EXT2: variants seen among roughly 807,000 people sequenced by gnomAD.
EXT2 encodes the protein exostosin-2.
A neutral mutation model predicts 81.6 loss-of-function variants in EXT2; 53 were observed. The observed-to-expected ratio is 0.65, with a 90% CI of 0.52 to 0.82. EXT2 has a LOEUF of 0.82. Ranked by LOEUF, EXT2 falls within the 40% of genes least tolerant of loss-of-function variation. EXT2 has a pLI of 0.00. For missense variants in EXT2, 774 were observed against 910.2 expected (o/e 0.85, Z 1.93); for synonymous variants, 320 against 340.0 (o/e 0.94, Z 0.65).
chr11:44,100,364 G>A (rs1953964091), intron 1 of EXT2, among the ~76,000 whole-genome samples: 1 of 152,196 alleles, frequency 6.6e-6, no homozygotes, highest in Admixed American at 6.5e-5. Context: ...GGACCTCTTT[G>A]CTAGTATTAA....
At chr11:44,153,748 T>G (rs979709844) in intron 7 of EXT2, among the ~76,000 whole-genome samples, 6 of 152,120 alleles carry the variant, frequency 3.9e-5, no homozygotes, top group Non-Finnish European at 5.9e-5. Flanking sequence ...TCAAAGGCTT[T>G]TTCTGTATCT....
At chr11:44,133,293 TA>T (rs1296343153) in intron 7 of EXT2, among the ~76,000 whole-genome samples, 3 of 152,204 alleles carry the variant, frequency 2.0e-5, no homozygotes, top group Non-Finnish European at 2.9e-5. Flanking sequence ...AAAAAAATGG[TA>T]AAACACCTGA....
At chr11:44,230,670 A>G (rs921805221) in intron 10 of EXT2, among the ~76,000 whole-genome samples, 4 of 152,330 alleles carry the variant, frequency 2.6e-5, no homozygotes, top group East Asian at 3.9e-4. Flanking sequence ...ATTGACAGCC[A>G]GCTACCAGAA....
At chr11:44,120,397 C>T (rs1954298654) in intron 4 of EXT2, among the ~76,000 whole-genome samples, 1 of 152,260 alleles carries the variant, frequency 6.6e-6, no homozygotes, top group South Asian at 2.1e-4. Context: ...ATTTCTGCAA[C>T]CTGGCTTGGG....
At chr11:44,183,518 T>C (rs1404585591) in intron 8 of EXT2, among the ~76,000 whole-genome samples, 2 of 152,210 alleles carry the variant, frequency 1.3e-5, no homozygotes, top group Non-Finnish European at 2.9e-5. Context: ...CTTTGAATAT[T>C]ACATATCTGC....
At chr11:44,169,525 CAAAG>C (rs974457226) in intron 7 of EXT2, among the ~76,000 whole-genome samples, 1 of 151,804 alleles carries the variant, frequency 6.6e-6, no homozygotes, top group African/African-American at 2.4e-5. Context: ...ACTAAAGTAA[CAAAG>C]AAGAGATAAA....
intron 1 of EXT2, among the ~76,000 whole-genome samples, chr11:44,097,954 T>C (rs905862146): frequency 6.6e-6 from 1 of 152,116 alleles, no homozygotes. Context: ...ATCCTCACAA[T>C]AGGTTGGGGT....
chr11:44,207,328 G>A (rs1356701542), intron 10 of EXT2, among the ~76,000 whole-genome samples: 1 of 152,254 alleles, frequency 6.6e-6, no homozygotes. Flanking sequence ...AATAAGTGAA[G>A]AAGCTGGCGA....
intron 3 of EXT2, 43 bp from the exon 4 acceptor site, chr11:44,114,142 A>T (rs1427392101): frequency 2.0e-6 from 3 of 1,504,666 alleles, no homozygotes; most frequent in African/African-American, 2.7e-5. Context: ...ATCAGAATAA[A>T]GTCCTTTCTT....
intron 10 of EXT2, among the ~76,000 whole-genome samples, chr11:44,229,969 CAAG>C (rs1955880007): frequency 6.6e-6 from 1 of 152,130 alleles, no homozygotes; most frequent in South Asian, 2.1e-4. Flanking sequence ...TTAAATTCTG[CAAG>C]AGGAAAATAC....
chr11:44,161,187 A>G (rs147287968), intron 7 of EXT2, among the ~76,000 whole-genome samples: 38 of 152,344 alleles, frequency 2.5e-4, no homozygotes, highest in African/African-American at 8.9e-4. Context: ...ATATGTTAGC[A>G]GGCTTCAACT....
At chr11:44,151,123 A>G (rs1388060620) in intron 7 of EXT2, among the ~76,000 whole-genome samples, 3 of 152,218 alleles carry the variant, frequency 2.0e-5, no homozygotes, top group Admixed American at 2.0e-4. Context: ...AATTGAGCAG[A>G]AACTACAAAG....
intron 7 of EXT2, among the ~76,000 whole-genome samples, chr11:44,171,076 T>A (rs1194682593): frequency 2.0e-5 from 3 of 152,098 alleles, no homozygotes; most frequent in African/African-American, 7.2e-5. Flanking sequence ...CACAGAAGAG[T>A]AAATACTGTT....
intron 8 of EXT2, among the ~76,000 whole-genome samples, chr11:44,187,239 A>G (rs1269969379): frequency 6.6e-6 from 1 of 152,064 alleles, no homozygotes; most frequent in East Asian, 1.9e-4. Context: ...GTGCAATGGC[A>G]TGATCACAGC....
At chr11:44,157,444 A>C (rs987369162) in intron 7 of EXT2, among the ~76,000 whole-genome samples, 2 of 152,204 alleles carry the variant, frequency 1.3e-5, no homozygotes, top group African/African-American at 4.8e-5. Flanking sequence ...CCAAGCTGCA[A>C]GTCCTTCCCA....
intron 9 of EXT2, among the ~76,000 whole-genome samples, chr11:44,198,783 A>T (rs890481115): frequency 1.3e-5 from 2 of 152,224 alleles, no homozygotes; most frequent in Non-Finnish European, 2.9e-5. Context: ...ACTGTCACCG[A>T]TAAGGTCTAG....
At chr11:44,237,359 A>T (rs894167215) in intron 13 of EXT2, among the ~76,000 whole-genome samples, 5 of 152,086 alleles carry the variant, frequency 3.3e-5, no homozygotes, top group African/African-American at 9.7e-5. Flanking sequence ...TATCTTTTTC[A>T]TGTATAAACA....
chr11:44,097,364 A>G (rs1953913324), intron 1 of EXT2, among the ~76,000 whole-genome samples: 2 of 152,230 alleles, frequency 1.3e-5, no homozygotes, highest in African/African-American at 2.4e-5. Context: ...AAAGAATCCT[A>G]TCAAGTAAGG....
At chr11:44,144,949 G>C (rs954707848) in intron 7 of EXT2, among the ~76,000 whole-genome samples, 3 of 152,176 alleles carry the variant, frequency 2.0e-5, no homozygotes, top group African/African-American at 2.4e-5. Flanking sequence ...AGATGGTGTA[G>C]TGGAAGTGTC....
Sources: allele counts gnomAD v4.1 joint callset (sites outside exome capture counted in the v4.1 genomes callset), GRCh38; gene constraint gnomAD v4.1.1; transcripts MANE v1.5; gene names NCBI Gene and HGNC (gene_info 2026-07-23, HGNC 2026-07-21).